The following HIF1A variants were observed in gnomAD, a reference collection of about 807,000 sequenced individuals.
The protein encoded by HIF1A is hypoxia inducible factor 1 subunit alpha, also known as hypoxia-inducible factor 1-alpha.
In HIF1A, 24 loss-of-function variants were observed where a neutral mutation model predicts 92.7. The observed-to-expected ratio is 0.26, with a 90% CI of 0.19 to 0.36. The LOEUF (loss-of-function observed/expected upper bound fraction) is 0.36. Ranked by LOEUF, HIF1A falls within the 10% of genes least tolerant of loss-of-function variation. The pLI is 1.00. For missense variants in HIF1A, 799 were observed against 998.5 expected, an observed-to-expected ratio of 0.80 and a Z score of 2.69; for synonymous variants, 319 against 338.7, an observed-to-expected ratio of 0.94 and a Z score of 0.64.
Position 61,727,546 on chromosome 14 carries a change from C to A in HIF1A, c.664C>A (p.Leu222Met). 6.2e-7 allele frequency: 1 copy of A among 1,613,384 alleles called. No homozygotes were observed. The highest frequency in any genetic ancestry group is 8.5e-7 in the Non-Finnish European group (1 of 1,179,382). Residue 222 changes from leucine (L) to methionine (M), a missense_variant, in exon 6 of 15, where the codon CTG (leucine) becomes ATG (methionine). Physicochemically the swap from Leu to Met is conservative, Grantham distance 15 (BLOSUM62 2). Around this residue, in one of 2 missense-constraint regions of HIF1A, gnomAD observed 516 missense variants for 721.0 expected, o/e 0.72. Coordinates refer to ENST00000337138, the MANE Select transcript of HIF1A (RefSeq NM_001530.4). Reference protein sequence around the residue: ...YKKPPMTCLVLICEPIPHPSN... With the variant: ...YKKPPMTCLVMICEPIPHPSN... ...GAAACCACCTATGACCTGCTTGGTG[C>A]TGATTTGTGAACCCATTCCTCACCC...
At chr14:61,730,456 A>G (rs1212231925) in intron 6 of HIF1A, among the ~76,000 whole-genome samples, 1 of 152,064 alleles carries the variant, frequency 6.6e-6, no homozygotes, top group Non-Finnish European at 1.5e-5. Flanking sequence ...TGATCCCCCT[A>G]CCTACTTCTT....
Position 61,727,628 on chromosome 14 carries a change from A to C in HIF1A, c.746A>C (p.Asp249Ala), listed in dbSNP as rs373399672. The C allele has an allele frequency of 2.3e-4, 373 of 1,613,120 alleles. No individual in the cohort carries two copies. The highest frequency in any genetic ancestry group is 3.1e-4 in the Non-Finnish European group (361 of 1,179,256). ...SKTFLSRHSL[D>A]MKFSYCDERI... The stretch of plus-strand genomic sequence containing the variant: ...ACTTTCCTCAGTCGACACAGCCTGG[A>C]TATGAAATTTTCTTATTGTGATGAA... The change falls in exon 6 of 15, where the codon GAT becomes GCT. Residue 249 changes from aspartate to alanine, a missense_variant. By Grantham distance (126) the Asp-to-Ala change is moderately radical. This residue lies in a region of HIF1A where 516 missense variants were observed against 721.0 expected (regional missense o/e 0.72). Coordinates refer to ENST00000337138, the MANE Select transcript of HIF1A (RefSeq NM_001530.4).
chr14:61,726,588 T>C (rs2044507788), intron 4 of HIF1A, 118 bp from the exon 5 acceptor site: 3 of 594,446 alleles, frequency 5.0e-6, no homozygotes, highest in East Asian at 6.0e-5. Flanking sequence ...ACTGTGTTCA[T>C]GCTGAGACTT....
chr14:61,731,625 A>G (rs1393323227), intron 6 of HIF1A, among the ~76,000 whole-genome samples: 1 of 152,204 alleles, frequency 6.6e-6, no homozygotes, highest in Non-Finnish European at 1.5e-5. Flanking sequence ...TGTAATGGCT[A>G]TTGATCTCTC....
At chr14:61,695,903 G>GA in intron 1 of HIF1A, 64 bp downstream of exon 1, 1 of 1,478,358 alleles carries the variant, frequency 6.8e-7, no homozygotes, top group Non-Finnish European at 9.2e-7. Context: ...GCCCGCCCTG[G>GA]GCTCCTGGGC....
intron 4 of HIF1A, among the ~76,000 whole-genome samples, chr14:61,723,923 C>T (rs1363342915): frequency 6.6e-6 from 1 of 152,126 alleles, no homozygotes; most frequent in Non-Finnish European, 1.5e-5. Flanking sequence ...AGATTTTTCT[C>T]TTTTAGAAAT....
intron 6 of HIF1A, 142 bp from the exon 7 acceptor site, chr14:61,732,276 A>C (rs925345605): frequency 3.3e-6 from 2 of 608,008 alleles, no homozygotes; most frequent in African/African-American, 3.7e-5. Context: ...GTGTAAATTT[A>C]TTCTAAGCAA....
intron 9 of HIF1A, 87 bp downstream of exon 9, chr14:61,737,196 G>A (rs1483900468): frequency 1.9e-5 from 17 of 895,676 alleles, no homozygotes; most frequent in Non-Finnish European, 3.0e-5. Flanking sequence ...GGTTTTTGTT[G>A]GTAATCATTT....
At chr14:61,724,107 GT>G (rs1361306967) in intron 4 of HIF1A, among the ~76,000 whole-genome samples, 6 of 150,028 alleles carry the variant, frequency 4.0e-5, no homozygotes, top group Admixed American at 6.7e-5. Context: ...TTAATGGTTT[GT>G]TTTTGTTTGT....
intron 1 of HIF1A, among the ~76,000 whole-genome samples, chr14:61,703,614 T>C (rs567574670): frequency 6.6e-6 from 1 of 151,834 alleles, no homozygotes; most frequent in African/African-American, 2.4e-5. Flanking sequence ...CCATACAGTT[T>C]GTAATATAAA....
At chr14:61,695,989 A>T (rs1010725437) in intron 1 of HIF1A, 150 bp downstream of exon 1, 1 of 706,770 alleles carries the variant, frequency 1.4e-6, no homozygotes, top group Non-Finnish European at 2.3e-6. Flanking sequence ...CTCTTCCCCC[A>T]ACCTCGCCGG....
intron 14 of HIF1A, 55 bp downstream of exon 14, chr14:61,745,872 T>C: frequency 6.9e-7 from 1 of 1,440,962 alleles, no homozygotes; most frequent in Non-Finnish European, 9.6e-7. Flanking sequence ...CATGAAACAT[T>C]TTTATTTAGG....
intron 13 of HIF1A, 194 bp from the exon 14 acceptor site, chr14:61,745,497 A>G (rs73315300): frequency 0.017 from 10,136 of 596,646 alleles, 133 homozygotes; most frequent in African/African-American, 0.029. Context: ...TTCAAACTAA[A>G]TTAACTGGAA....
At chr14:61,710,835 C>T (rs545028589) in intron 1 of HIF1A, among the ~76,000 whole-genome samples, 9 of 152,066 alleles carry the variant, frequency 5.9e-5, no homozygotes, top group South Asian at 2.1e-4. Flanking sequence ...CTGAGGCAGG[C>T]GGATCAAGAG....
At position 61,721,597 on chromosome 14, in the gene HIF1A, T is replaced by C. The variant is rs2044427600; in HGVS notation, c.315T>C (p.Asp105=). The change falls in exon 3 of 15, where the codon GAT becomes GAC. Residue 105 remains aspartate (D), a synonymous_variant. Coordinates refer to ENST00000337138, the MANE Select transcript of HIF1A (RefSeq NM_001530.4). ...ALDGFVMVLT[D]DGDMIYISDN... ...ATGGTTTTGTTATGGTTCTCACAGA[T>C]GATGGTGACATGATTTACATTTCTG... The C allele has an allele frequency of 6.2e-7, 1 of 1,613,140 alleles. No homozygotes were observed. The highest frequency in any genetic ancestry group is 1.3e-5 in the African/African-American group (1 of 75,030).
chr14:61,746,058 T>C (rs1230297137), intron 14 of HIF1A, among the ~76,000 whole-genome samples: 1 of 151,904 alleles, frequency 6.6e-6, no homozygotes. Flanking sequence ...ACCCCGTCTC[T>C]ACTAAAAATA....
Position 61,738,343 on chromosome 14 carries a change from C to A in HIF1A, c.1506C>A (p.Ser502=), listed in dbSNP as rs149282253. The change falls in exon 10 of 15, where the codon TCC becomes TCA. Residue 502 remains serine, a synonymous_variant. Coordinates refer to ENST00000337138, the MANE Select transcript of HIF1A (RefSeq NM_001530.4). The part of the protein sequence containing the change: ...PQIQDQTPSP[S]DGSTRQSSPE... ...TTCAGGATCAGACACCTAGTCCTTC[C>A]GATGGAAGCACTAGACAAAGTTCAC... 21 of 1,611,042 alleles carry A rather than the reference C, an allele frequency of 1.3e-5. No individual in the cohort carries two copies. Among genetic ancestry groups the A allele is most frequent in the East Asian group, 4.5e-5 (2 of 44,840 alleles).
At chr14:61,710,658 G>A (rs1426180499) in intron 1 of HIF1A, among the ~76,000 whole-genome samples, 2 of 152,056 alleles carry the variant, frequency 1.3e-5, no homozygotes, top group African/African-American at 4.8e-5. Context: ...GATGTTTTAA[G>A]TATTCTGGTT....
intron 10 of HIF1A, among the ~76,000 whole-genome samples, chr14:61,738,678 A>T (rs544863992): frequency 6.6e-6 from 1 of 152,312 alleles, no homozygotes; most frequent in South Asian, 2.1e-4. Flanking sequence ...TTGGACATTT[A>T]AAGAGAATAG....
Sources: gnomAD v4.1 joint callset for allele counts (sites outside exome capture counted in the v4.1 genomes callset) on GRCh38, gnomAD v4.1.1 for gene constraint, gnomAD v4.1.1 regional missense constraint, MANE v1.5 for transcripts, NCBI Gene and HGNC (gene_info 2026-07-23, HGNC 2026-07-21) for gene names.